The following TENM3 variants were observed in gnomAD, a reference collection of about 807,000 sequenced individuals.
The protein encoded by TENM3 is teneurin-3.
Under a neutral mutation model 255.1 loss-of-function variants are expected in TENM3, and 63 were observed. The ratio of observed to expected loss-of-function variants is 0.25; its 90% CI spans 0.20 to 0.30. TENM3 has a LOEUF of 0.30. Among genes scored for constraint, TENM3 ranks in the 10% least tolerant of loss-of-function variants. The pLI, the probability that TENM3 is intolerant of heterozygous loss-of-function variation, is 1.00. For missense variants in TENM3, 2,929 were observed against 3,461.1 expected, an observed-to-expected ratio of 0.85 and a Z score of 3.86; for synonymous variants, 1,306 against 1,322.3, an observed-to-expected ratio of 0.99 and a Z score of 0.27.
At chr4:182,525,166 C>T (rs966698959) in intron 3 of TENM3, among the ~76,000 whole-genome samples, 1 of 152,210 alleles carries the variant, frequency 6.6e-6, no homozygotes, top group African/African-American at 2.4e-5. Flanking sequence ...CCTGCCGATT[C>T]CCTGCCTCTG....
chr4:182,598,225 C>G (rs1560982208), intron 3 of TENM3, among the ~76,000 whole-genome samples: 1 of 152,302 alleles, frequency 6.6e-6, no homozygotes, highest in East Asian at 1.9e-4. Context: ...GGCCATCCAC[C>G]CTATATCATT....
chr4:182,290,283 C>T (rs1230269122), intron 1 of TENM3, among the ~76,000 whole-genome samples: 2 of 152,202 alleles, frequency 1.3e-5, no homozygotes, highest in East Asian at 3.9e-4. Context: ...CCTCCCCGTA[C>T]TGCTTTCAGG....
the TENM3 span, among the ~76,000 whole-genome samples, chr4:182,038,869 G>A: frequency 6.6e-6 from 1 of 152,064 alleles, no homozygotes; most frequent in African/African-American, 2.4e-5. Flanking sequence ...GAGTAGCTGG[G>A]ATTATAGGCG....
rs140823386 is a variant in TENM3, at chr4:182,223,508, G to T, written c.-76+78754G>T. On this transcript the variant is annotated intron_variant, in intron 1 of 2. Transcript: ENST00000512480. ...ATAATAATATGAATAAATGTATTTG[G>T]TTGATTACATGCTTACACCTTACAG... Among the ~76,000 whole-genome samples the T allele has an allele frequency of 4.0e-3, 605 of 152,170 alleles. 3 individuals are homozygous for T. The highest frequency in any genetic ancestry group is 0.014 in the African/African-American group (575 of 41,522).
intron 1 of TENM3, among the ~76,000 whole-genome samples, chr4:182,294,767 G>A (rs771912479): frequency 8.5e-5 from 13 of 152,148 alleles, no homozygotes; most frequent in Non-Finnish European, 1.3e-4. Context: ...TGGATCCCAC[G>A]TATAGACACA....
chr4:182,734,095 C>T (rs184163831), intron 16 of TENM3, among the ~76,000 whole-genome samples: 99 of 152,184 alleles, frequency 6.5e-4, no homozygotes, highest in Admixed American at 3.8e-3. Context: ...ATTCTAAATG[C>T]GATAAAGATT....
the TENM3 span, among the ~76,000 whole-genome samples, chr4:182,086,886 T>G: frequency 6.6e-6 from 1 of 152,330 alleles, no homozygotes; most frequent in African/African-American, 2.4e-5. Flanking sequence ...AAGTACCAAC[T>G]TTGCCAATCG....
the TENM3 span, among the ~76,000 whole-genome samples, chr4:181,541,184 G>A: frequency 5.3e-5 from 8 of 151,850 alleles, no homozygotes; most frequent in Non-Finnish European, 1.2e-4. Flanking sequence ...GACCAGCCTG[G>A]GCAATATAAT....
chr4:182,510,818 C>T (rs1040669610), intron 3 of TENM3, among the ~76,000 whole-genome samples: 5 of 152,066 alleles, frequency 3.3e-5, no homozygotes, highest in African/African-American at 7.3e-5. Context: ...ACATCAAATC[C>T]TTATTAGGAG....
intron 3 of TENM3, among the ~76,000 whole-genome samples, chr4:182,458,027 T>TA (rs1376140125): frequency 8.5e-5 from 13 of 152,358 alleles, no homozygotes; most frequent in Middle Eastern, 3.4e-3. Flanking sequence ...CATTGGATGT[T>TA]ACAAACATTC....
chr4:181,585,960 G>A, the TENM3 span, among the ~76,000 whole-genome samples: 7 of 152,204 alleles, frequency 4.6e-5, no homozygotes, highest in Non-Finnish European at 1.0e-4. Flanking sequence ...AGCCTAGAGC[G>A]TTGGAGGCTC....
chr4:181,691,547 G>A, the TENM3 span, among the ~76,000 whole-genome samples: 17 of 151,834 alleles, frequency 1.1e-4, no homozygotes, highest in Non-Finnish European at 2.1e-4. Context: ...CTAAACTGGA[G>A]GGTTTTTTCC....
At chr4:182,425,887 A>G (rs1771170932) in intron 3 of TENM3, among the ~76,000 whole-genome samples, 1 of 151,956 alleles carries the variant, frequency 6.6e-6, no homozygotes, top group Non-Finnish European at 1.5e-5. Flanking sequence ...ACACACCTGT[A>G]ATCCCAGCTA....
the TENM3 span, among the ~76,000 whole-genome samples, chr4:181,676,072 C>T: frequency 1.4e-4 from 21 of 145,734 alleles, no homozygotes; most frequent in Non-Finnish European, 3.1e-4. Context: ...TGTGGGGCTG[C>T]GGGAAGGGGG....
intron 16 of TENM3, among the ~76,000 whole-genome samples, chr4:182,734,757 G>T (rs1192712337): frequency 1.3e-5 from 2 of 152,110 alleles, no homozygotes; most frequent in Non-Finnish European, 1.5e-5. Flanking sequence ...AAATAACATG[G>T]TCAAGTTAAA....
Position 182,731,149 on chromosome 4 carries a change from T to C in TENM3, c.2967+10T>C. 6.2e-7 allele frequency: 1 copy of C among 1,611,210 alleles called. No homozygotes were observed. Among genetic ancestry groups the C allele is most frequent in the Non-Finnish European group, 8.5e-7 (1 of 1,178,620 alleles). ...CATTCCCGAAACACAGGTAAAATAT[T>C]CTCACAGGCAGTACTTGTAAATACA... On this transcript the variant is annotated intron_variant, in intron 16 of 27. Transcript: ENST00000511685.
the TENM3 span, among the ~76,000 whole-genome samples, chr4:181,482,229 G>A: frequency 6.6e-6 from 1 of 152,054 alleles, no homozygotes; most frequent in Non-Finnish European, 1.5e-5. Flanking sequence ...ATAATGATGT[G>A]TACTTGAAAA....
intron 1 of TENM3, among the ~76,000 whole-genome samples, chr4:182,186,245 A>AAT (rs1397606202): frequency 1.3e-5 from 2 of 152,186 alleles, no homozygotes; most frequent in Non-Finnish European, 2.9e-5. Context: ...TACTCATATT[A>AAT]ATCTTTTGTC....
At chr4:182,707,210 G>A (rs906273517) in intron 12 of TENM3, among the ~76,000 whole-genome samples, 1 of 151,652 alleles carries the variant, frequency 6.6e-6, no homozygotes, top group Non-Finnish European at 1.5e-5. Flanking sequence ...TTATCCAAGA[G>A]AGGTGCTGGG....
Sources: gnomAD v4.1 joint callset for allele counts (sites outside exome capture counted in the v4.1 genomes callset) on GRCh38, gnomAD v4.1.1 for gene constraint, MANE v1.5 for transcripts, NCBI Gene and HGNC (gene_info 2026-07-23, HGNC 2026-07-21) for gene names.